Variants in KIF22 observed in about 807,000 individuals in gnomAD.
The protein encoded by KIF22 is kinesin-like protein KIF22.
A neutral mutation model predicts 73.0 loss-of-function variants in KIF22; 62 were observed. The observed-to-expected ratio is 0.85, with a 90% CI of 0.69 to 1.05. KIF22 has a LOEUF of 1.05. Among genes scored for constraint, KIF22 ranks in the 50% least tolerant of loss-of-function variants. KIF22 has a pLI of 0.00. For missense variants in KIF22, 854 were observed against 870.1 expected (o/e 0.98, Z 0.23); for synonymous variants, 411 against 340.1 (o/e 1.21, Z -2.29).
rs966534878 is a variant in KIF22, at chr16:29,798,351, A to G, written c.267-23A>G. On this transcript the variant is annotated intron_variant, in intron 2 of 13. Transcript: ENST00000160827. The surrounding 1 kb of genome is among the most constrained non-coding windows in gnomAD (Gnocchi z 4.1). ...ACACACACACACACACACACACGCT[A>G]ATTTCTTTCTTTCTTCCTGCAGGTT... The G allele has an allele frequency of 1.5e-5, 21 of 1,359,874 alleles. No homozygotes were observed. Among genetic ancestry groups the G allele is most frequent in the Non-Finnish European group, 2.0e-5 (21 of 1,032,886 alleles). 84.2% of individuals were successfully genotyped at this position (1,359,874 alleles called of 1,614,324 possible). A position where few individuals can be genotyped will look rare whatever the true frequency, so the allele number is the denominator to read the frequency against.
At position 29,799,499 on chromosome 16, in the gene KIF22, G is replaced by C. The variant is rs1186727809; in HGVS notation, c.990+5G>C. ...AAGCTCACTCGCCTATTGCAGGTCA[G>C]GCCCACCTGTCTCAGGGAAGAAGGG... On this transcript the variant is annotated splice_donor_5th_base_variant and intron_variant, in intron 6 of 13. Transcript: ENST00000160827. 6.2e-7 allele frequency: 1 copy of C among 1,614,032 alleles called. No individual in the cohort carries two copies. Among genetic ancestry groups the C allele is most frequent in the Non-Finnish European group, 8.5e-7 (1 of 1,179,930 alleles).
At position 29,798,564 on chromosome 16, in the gene KIF22, C is replaced by T; in HGVS notation, c.395-29C>T. On this transcript the variant is annotated intron_variant, in intron 3 of 13. Transcript: ENST00000160827. The surrounding 1 kb of genome is among the most constrained non-coding windows in gnomAD (Gnocchi z 4.1). The stretch of plus-strand genomic sequence containing the variant: ...AGGGCTGGGGAAACGGAGAGGAAAA[C>T]CTCACAGTTTTCTCCACTCTCTTCC... 6.2e-7 allele frequency: 1 copy of T among 1,613,728 alleles called. No homozygotes were observed. Among genetic ancestry groups the T allele is most frequent in the Non-Finnish European group, 8.5e-7 (1 of 1,179,818 alleles).
chr16:29,793,350 G>C (rs1898866089), intron 1 of KIF22, among the ~76,000 whole-genome samples: 2 of 152,186 alleles, frequency 1.3e-5, no homozygotes, highest in South Asian at 4.1e-4. Context: ...TGAGGCAGGA[G>C]AATCGCTTGA....
Position 29,804,884 on chromosome 16 carries a change from A to T in KIF22, c.1748A>T (p.Glu583Val). ...TGCTGGGAGCTACAGATCAGCCCGG[A>T]GCTACTGGCTCATGGGCGCCAAAAA... ...EDCWELQISPELLAHGRQKIL... is the reference protein window; with the variant it reads ...EDCWELQISPVLLAHGRQKIL... The change falls in exon 12 of 14, where the codon GAG becomes GTG. Residue 583 changes from glutamate to valine, a missense_variant. Physicochemically the swap from Glu to Val is moderately radical, Grantham distance 121 (BLOSUM62 -2). Coordinates refer to ENST00000160827, the MANE Select transcript of KIF22 (RefSeq NM_007317.3). 1 of 1,613,950 alleles carries T rather than the reference A, an allele frequency of 6.2e-7. No individual in the cohort carries two copies. The highest frequency in any genetic ancestry group is 1.1e-5 in the South Asian group (1 of 91,070).
At position 29,797,192 on chromosome 16, in the gene KIF22, G is replaced by A. The variant is rs1276616346; in HGVS notation, c.266+104G>A. The A allele has an allele frequency of 1.2e-5, 10 of 838,142 alleles. No homozygotes were observed. The highest frequency in any genetic ancestry group is 2.9e-4 in the Middle Eastern group (1 of 3,406). The allele number at this position is 838,142 out of a possible 1,614,324, so 51.9% of individuals were successfully genotyped here. On this transcript the variant is annotated intron_variant, in intron 2 of 13. Coordinates refer to ENST00000160827, the MANE Select transcript of KIF22 (RefSeq NM_007317.3). This position sits in a 1 kb window ranked among gnomAD's most constrained non-coding sequence, Gnocchi z 4.1. The stretch of plus-strand genomic sequence containing the variant: ...GGATCCTTGCTCCCTCCTTAGCACC[G>A]CTTTGTTCCCTGAGCCTTCACTGTT...
intron 5 of KIF22, 21 bp from the exon 6 acceptor site, chr16:29,799,243 G>A: frequency 6.2e-7 from 1 of 1,612,100 alleles, no homozygotes. Context: ...CTAAGCACGA[G>A]ACCTTTGTTC....
At position 29,797,477 on chromosome 16, in the gene KIF22, G is replaced by A. The variant is rs1049466928; in HGVS notation, c.266+389G>A. ...AGATTTGGGGACAGAACTCAGAAGGGCAGCTACTTTATAATCCTACTGGGG... is the reference window on the plus strand; with the variant it reads ...AGATTTGGGGACAGAACTCAGAAGGACAGCTACTTTATAATCCTACTGGGG... On this transcript the variant is annotated intron_variant, in intron 2 of 13. Coordinates refer to ENST00000160827, the MANE Select transcript of KIF22 (RefSeq NM_007317.3). This position sits in a 1 kb window ranked among gnomAD's most constrained non-coding sequence, Gnocchi z 4.1. Among the ~76,000 whole-genome samples, 3 of 152,096 alleles carry A rather than the reference G, an allele frequency of 2.0e-5. No individual in the cohort carries two copies. Among genetic ancestry groups the A allele is most frequent in the African/African-American group, 7.2e-5 (3 of 41,406 alleles).
At chr16:29,791,218 G>A in intron 1 of KIF22, 7 of 1,089,036 alleles carry the variant, frequency 6.4e-6, no homozygotes, top group Non-Finnish European at 7.8e-6. Flanking sequence ...GAAGGGAGCC[G>A]GAGGCGTGTA....
intron 1 of KIF22, among the ~76,000 whole-genome samples, chr16:29,794,088 A>G (rs1898890209): frequency 6.6e-6 from 1 of 152,244 alleles, no homozygotes; most frequent in Admixed American, 6.5e-5. Flanking sequence ...GCACTGTGCT[A>G]AACATTGTAT....
rs6145811 is a variant in KIF22, at chr16:29,798,313, T to TAC, written c.267-28_267-27dup. The TAC allele has an allele frequency of 0.01, 12,690 of 1,240,856 alleles. 509 individuals carry two copies. In the African/African-American group the frequency reaches 0.17, roughly 17 times the overall value. 76.9% of individuals were successfully genotyped at this position (1,240,856 alleles called of 1,614,324 possible). A position where few individuals can be genotyped will look rare whatever the true frequency, so the allele number is the denominator to read the frequency against. On this transcript the variant is annotated intron_variant, in intron 2 of 13. Transcript: ENST00000160827. The surrounding 1 kb of genome is among the most constrained non-coding windows in gnomAD (Gnocchi z 4.1). ...CCCACCCCCACCCCACTCCACCCCTTACACACACACACACACACACACACA... is the reference window on the plus strand; with the variant it reads ...CCCACCCCCACCCCACTCCACCCCTTACACACACACACACACACACACACACA...
chr16:29,795,006 T>G (rs1234079438), intron 1 of KIF22, among the ~76,000 whole-genome samples: 7 of 152,212 alleles, frequency 4.6e-5, no homozygotes, highest in African/African-American at 1.4e-4. Context: ...GAGTCTACAC[T>G]CTACCTCATT....
intron 1 of KIF22, chr16:29,791,057 C>T (rs949864650): frequency 7.1e-7 from 1 of 1,407,916 alleles, no homozygotes; most frequent in Non-Finnish European, 9.2e-7. Flanking sequence ...ACTCGGGTCT[C>T]CGGTCCAGGC....
At chr16:29,805,209 C>T (rs769204319) in intron 13 of KIF22, 35 bp downstream of exon 13, 2 of 1,614,094 alleles carry the variant, frequency 1.2e-6, no homozygotes, top group South Asian at 2.2e-5. Context: ...TCTGCCTGTC[C>T]TGCGCCCCGC....
chr16:29,805,291 A>C lies in KIF22; in HGVS notation c.1979A>C (p.Gln660Pro). ...KANILGLAAG[Q>P]RCGAS ...AACATCCTGGGTCTCGCCGCCGGCC[A>C]GCGCTGTGGCGCCTCCTGACCGTCG... The change falls in exon 14 of 14, where the codon CAG becomes CCG. Residue 660 changes from glutamine to proline, a missense_variant. Coordinates refer to ENST00000160827, the MANE Select transcript of KIF22 (RefSeq NM_007317.3). The C allele has an allele frequency of 6.2e-7, 1 of 1,613,714 alleles. No homozygotes were observed. Among genetic ancestry groups the C allele is most frequent in the South Asian group, 1.1e-5 (1 of 91,086 alleles).
intron 1 of KIF22, among the ~76,000 whole-genome samples, chr16:29,796,540 C>T (rs1481952198): frequency 2.0e-5 from 3 of 151,672 alleles, no homozygotes; most frequent in Non-Finnish European, 4.4e-5. Flanking sequence ...GAGACTCCAT[C>T]CCTCTCTCTC....
At chr16:29,804,267 A>C in intron 11 of KIF22, 1 of 622,518 alleles carries the variant, frequency 1.6e-6, no homozygotes, top group South Asian at 1.8e-5. Context: ...AGTGATGTGG[A>C]TGTACCTCGC....
rs747925326 is a variant in KIF22 at position 29,804,813 on chromosome 16, G to A, written c.1678-1G>A. The stretch of plus-strand genomic sequence containing the variant: ...GTCACTCATCTCCCTTTGCCTCCCA[G>A]CTGGAGTCCCTGGATGCCCTAGAGC... On this transcript the variant is annotated splice_acceptor_variant, in intron 11 of 13. Transcript: ENST00000160827. LOFTEE classifies it high-confidence loss of function. The A allele has an allele frequency of 3.1e-6, 5 of 1,602,730 alleles. No individual in the cohort carries two copies. The highest frequency in any genetic ancestry group is 4.3e-6 in the Non-Finnish European group (5 of 1,174,558).
In KIF22 at chr16:29,799,677, C is replaced by G. The variant is rs1054197986; in HGVS notation, c.1040C>G (p.Pro347Arg). The change falls in exon 7 of 14, where the codon CCT (proline) becomes CGT (arginine). Residue 347 changes from proline (P) to arginine (R), a missense_variant. Physicochemically the swap from Pro to Arg is moderately radical, Grantham distance 103 (BLOSUM62 -2). Coordinates refer to ENST00000160827, the MANE Select transcript of KIF22 (RefSeq NM_007317.3). ...AGTATCCTTATTGCCAACATTGCCC[C>G]TGAGAGACGCTTCTACCTAGACACA... ...AHSILIANIA[P>R]ERRFYLDTVS... The G allele has an allele frequency of 5.6e-6, 9 of 1,613,910 alleles. No individual in the cohort carries two copies. Among genetic ancestry groups the G allele is most frequent in the Admixed American group, 1.7e-5 (1 of 59,978 alleles).
intron 9 of KIF22, 69 bp from the exon 10 acceptor site, chr16:29,803,380 G>C: frequency 6.3e-7 from 1 of 1,584,684 alleles, no homozygotes; most frequent in East Asian, 2.2e-5. Context: ...TACTCACCCT[G>C]GTAACCCACT....
Sources: gnomAD v4.1 joint callset for allele counts (sites outside exome capture counted in the v4.1 genomes callset) on GRCh38, gnomAD v4.1.1 for gene constraint, Gnocchi (gnomAD v3.1) non-coding constraint, MANE v1.5 for transcripts, NCBI Gene and HGNC (gene_info 2026-07-23, HGNC 2026-07-21) for gene names.